DOCK1: variants seen among roughly 807,000 people sequenced by gnomAD.
DOCK1 encodes the protein dedicator of cytokinesis 1, also known as dedicator of cytokinesis protein 1.
DOCK1 carries 138 observed loss-of-function variants against 262.7 expected under a neutral mutation model. That is an observed-to-expected ratio of 0.53 (90% CI 0.46 to 0.61). The LOEUF is 0.61. Ranked by LOEUF, DOCK1 falls within the 20% of genes least tolerant of loss-of-function variation. The pLI, the probability that DOCK1 is intolerant of heterozygous loss-of-function variation, is 0.00. For missense variants in DOCK1, 1,908 were observed against 2,370.7 expected, an observed-to-expected ratio of 0.80 and a Z score of 4.05; for synonymous variants, 866 against 867.4, an observed-to-expected ratio of 1.00 and a Z score of 0.03.
intron 23 of DOCK1, among the ~76,000 whole-genome samples, chr10:127,082,622 G>A (rs1424476527): frequency 6.6e-6 from 1 of 152,084 alleles, no homozygotes; most frequent in African/African-American, 2.4e-5. Flanking sequence ...ACATGGGGAT[G>A]ATGGGAGCTA....
chr10:126,950,933 T>C (rs2134391806), intron 1 of DOCK1, among the ~76,000 whole-genome samples: 1 of 152,212 alleles, frequency 6.6e-6, no homozygotes, highest in South Asian at 2.1e-4. Flanking sequence ...GTTGGTAGTA[T>C]TGCTGTTGGC....
chr10:127,097,551 G>T (rs1048110314), intron 23 of DOCK1, among the ~76,000 whole-genome samples: 2 of 152,102 alleles, frequency 1.3e-5, no homozygotes, highest in Non-Finnish European at 2.9e-5. Context: ...TGGGACCCAG[G>T]TATGTGTTCT....
At chr10:126,990,387 C>A in intron 5 of DOCK1, 68 bp from the exon 6 acceptor site, 1 of 1,468,210 alleles carries the variant, frequency 6.8e-7, no homozygotes, top group East Asian at 2.5e-5. Flanking sequence ...AAGAGATAGC[C>A]ATTCTCTACC....
At chr10:127,033,765 C>T (rs1467881846) in intron 18 of DOCK1, among the ~76,000 whole-genome samples, 2 of 152,128 alleles carry the variant, frequency 1.3e-5, no homozygotes, top group East Asian at 1.9e-4. Flanking sequence ...TGTAGTGGAG[C>T]GTGCACTGAG....
At chr10:127,052,465 A>C (rs1171750968) in intron 21 of DOCK1, among the ~76,000 whole-genome samples, 2 of 151,824 alleles carry the variant, frequency 1.3e-5, no homozygotes, top group Admixed American at 6.6e-5. Flanking sequence ...CAGAGGTTGC[A>C]GTGAGCCGAG....
At position 127,252,428 on chromosome 10, in the gene DOCK1, T is replaced by C. The variant is rs1399588900; in HGVS notation, c.2949+4319T>C. ...TGTCAATTTTGGCTTTTGTTGCCAT[T>C]GCTTTTGGTGTTTTAGACATGAAGT... On this transcript the variant is annotated intron_variant, in intron 28 of 51. Coordinates refer to ENST00000623213, the MANE Select transcript of DOCK1 (RefSeq NM_001290223.2). Among the ~76,000 whole-genome samples the C allele has an allele frequency of 2.1e-5, 3 of 145,526 alleles. No homozygotes were observed. The East Asian group carries it at 6.0e-4, about 29-fold the overall frequency.
At position 127,446,273 on chromosome 10, in the gene DOCK1, A is replaced by G. The variant is rs1418853632; in HGVS notation, c.5414-1121A>G. 6.6e-6 allele frequency among the ~76,000 whole-genome samples: 1 copy of G among 151,882 alleles called. No homozygotes were observed. The highest frequency in any genetic ancestry group is 1.9e-4 in the East Asian group (1 of 5,188). On this transcript the variant is annotated intron_variant, in intron 50 of 51. Coordinates refer to ENST00000623213, the MANE Select transcript of DOCK1 (RefSeq NM_001290223.2). The surrounding 1 kb of genome is among the most constrained non-coding windows in gnomAD (Gnocchi z 4.4). ...CCAAACAAAAAGAAAAGAAAAAAAAAAAGAAAGTAGAATAGAGGATACTAG... is the reference window on the plus strand; with the variant it reads ...CCAAACAAAAAGAAAAGAAAAAAAAGAAGAAAGTAGAATAGAGGATACTAG...
At chr10:127,144,569 G>C (rs2051607362) in intron 27 of DOCK1, among the ~76,000 whole-genome samples, 1 of 152,182 alleles carries the variant, frequency 6.6e-6, no homozygotes, top group African/African-American at 2.4e-5. Flanking sequence ...TCAGCAAAGT[G>C]CTGCCGCCCT....
intron 13 of DOCK1, among the ~76,000 whole-genome samples, chr10:127,020,434 G>A (rs762565476): frequency 1.1e-4 from 16 of 152,028 alleles, no homozygotes; most frequent in Non-Finnish European, 1.8e-4. Context: ...TGAGTGCCAG[G>A]TAGTAGCTGC....
At chr10:127,355,666 G>T (rs1042835041) in intron 32 of DOCK1, among the ~76,000 whole-genome samples, 6 of 152,194 alleles carry the variant, frequency 3.9e-5, no homozygotes, top group Admixed American at 3.9e-4. Flanking sequence ...ACTAGAAGGA[G>T]GCAGGGGTCT....
chr10:126,949,730 G>T (rs1031334659), intron 1 of DOCK1, among the ~76,000 whole-genome samples: 6 of 152,146 alleles, frequency 3.9e-5, no homozygotes, highest in African/African-American at 1.4e-4. Flanking sequence ...ACCTAAAAAG[G>T]ACTTTGTGAC....
In DOCK1 at chr10:127,418,545, C is replaced by G; in HGVS notation, c.4692+4C>G. 1 of 1,610,808 alleles carries G rather than the reference C, an allele frequency of 6.2e-7. No individual in the cohort carries two copies. The highest frequency in any genetic ancestry group is 1.1e-5 in the South Asian group (1 of 90,624). ...GGGCTTCGCAAACTACGAAAAGGTA[C>G]GGGACCCACCAGCTTGCTCTGGGCA... On this transcript the variant is annotated splice_donor_region_variant and intron_variant, in intron 45 of 51. Transcript: ENST00000623213.
At chr10:127,074,901 C>T (rs1386983107) in intron 23 of DOCK1, among the ~76,000 whole-genome samples, 1 of 152,034 alleles carries the variant, frequency 6.6e-6, no homozygotes, top group Non-Finnish European at 1.5e-5. Context: ...GTGGCTCACA[C>T]CTGTAGTCCC....
chr10:127,347,212 C>T (rs528389245), intron 31 of DOCK1, among the ~76,000 whole-genome samples: 2 of 152,330 alleles, frequency 1.3e-5, no homozygotes, highest in Non-Finnish European at 2.9e-5. Flanking sequence ...TAAAATTGTC[C>T]GCATAAAAGG....
chr10:127,264,436 C>T (rs2060282855), intron 29 of DOCK1, among the ~76,000 whole-genome samples: 1 of 152,180 alleles, frequency 6.6e-6, no homozygotes, highest in Admixed American at 6.5e-5. Flanking sequence ...GAAGCCCACA[C>T]ACTTTCATAG....
intron 1 of DOCK1, among the ~76,000 whole-genome samples, chr10:126,960,296 C>T (rs2134520881): frequency 6.6e-6 from 1 of 151,982 alleles, no homozygotes. Context: ...GTCAAGGGGT[C>T]ACCAGCCATG....
intron 12 of DOCK1, among the ~76,000 whole-genome samples, chr10:127,015,667 C>T (rs897482009): frequency 1.3e-5 from 2 of 152,180 alleles, no homozygotes; most frequent in African/African-American, 4.8e-5. Context: ...CGTGGTTCTG[C>T]TGACTTGACC....
chr10:127,004,750 C>A (rs1032154088), intron 10 of DOCK1, among the ~76,000 whole-genome samples: 10 of 128,176 alleles, frequency 7.8e-5, no homozygotes, highest in Non-Finnish European at 1.2e-4. Flanking sequence ...TCCTGTCCCC[C>A]CCAACGGCCC....
intron 29 of DOCK1, among the ~76,000 whole-genome samples, chr10:127,330,109 C>CTTT (rs1384386056): frequency 6.6e-6 from 1 of 152,160 alleles, no homozygotes; most frequent in Non-Finnish European, 1.5e-5. Flanking sequence ...ATTTTAAGGT[C>CTTT]TTTTCAATCA....
Sources: allele counts gnomAD v4.1 joint callset (sites outside exome capture counted in the v4.1 genomes callset), GRCh38; gene constraint gnomAD v4.1.1; non-coding constraint Gnocchi (gnomAD v3.1); transcripts MANE v1.5; gene names NCBI Gene and HGNC (gene_info 2026-07-23, HGNC 2026-07-21).